The following ANXA3 variants were observed in gnomAD, a reference collection of about 807,000 sequenced individuals.
ANXA3 encodes annexin A3, also known as 35-alpha calcimedin.
Under a neutral mutation model 48.8 loss-of-function variants are expected in ANXA3, and 46 were observed. The ratio of observed to expected loss-of-function variants is 0.94; its 90% confidence interval spans 0.74 to 1.21. The LOEUF (loss-of-function observed/expected upper bound fraction) is 1.21. ANXA3 is among the 50% of genes most tolerant of loss of function. The pLI, the probability that ANXA3 is intolerant of heterozygous loss-of-function variation, is 0.00. For synonymous variants in ANXA3, 128 were observed against 134.7 expected (o/e 0.95, Z 0.35); for missense variants, 383 against 378.6 (o/e 1.01, Z -0.10).
chr4:78,589,792 A>G (rs954861752), intron 6 of ANXA3, among the ~76,000 whole-genome samples: 7 of 152,202 alleles, frequency 4.6e-5, no homozygotes, highest in Non-Finnish European at 7.3e-5. Flanking sequence ...GCCCTCATAA[A>G]GGGACCAGAT....
At chr4:78,554,593 T>C in intron 2 of ANXA3, 105 bp downstream of exon 2, 1 of 964,368 alleles carries the variant, frequency 1.0e-6, no homozygotes, top group East Asian at 2.4e-5. Flanking sequence ...TTTAAGTTTA[T>C]CTGGCAAAAT....
At chr4:78,558,607 C>T (rs147021134) in intron 2 of ANXA3, among the ~76,000 whole-genome samples, 147 of 152,296 alleles carry the variant, frequency 9.7e-4, no homozygotes, top group African/African-American at 3.3e-3. Context: ...GAAAGAATGG[C>T]TGGTTTCTTA....
At chr4:78,579,366 C>A (rs552287012) in intron 4 of ANXA3, among the ~76,000 whole-genome samples, 1 of 152,274 alleles carries the variant, frequency 6.6e-6, no homozygotes, top group East Asian at 1.9e-4. Flanking sequence ...TGCCTTAGCC[C>A]AGTGGGTTCT....
chr4:78,555,350 C>T lies in ANXA3; in HGVS notation c.15+862C>T, dbSNP rs12644799. On this transcript the variant is annotated intron_variant, in intron 2 of 12. Coordinates refer to ENST00000264908, the MANE Select transcript of ANXA3 (RefSeq NM_005139.3). ...ACTACATACAAGTTTATCACTATGA[C>T]AGCCAACAATCCCATTGGTAGAGGC... Among the ~76,000 whole-genome samples the T allele has an allele frequency of 1.4e-4, 21 of 152,304 alleles. No individual in the cohort carries two copies. In the East Asian group the frequency reaches 3.3e-3, roughly 24 times the overall value.
intron 11 of ANXA3, chr4:78,603,689 T>C (rs930290625): frequency 2.6e-5 from 4 of 152,216 alleles, no homozygotes; most frequent in African/African-American, 9.6e-5. Context: ...TCTCCACACT[T>C]AGGATAAAGT....
chr4:78,609,650 A>G (rs143053309), intron 12 of ANXA3, among the ~76,000 whole-genome samples: 3 of 152,324 alleles, frequency 2.0e-5, no homozygotes, highest in Non-Finnish European at 4.4e-5. Context: ...GGGGATACGT[A>G]TAGTACCTAT....
At chr4:78,594,136 G>C (rs1219332947) in intron 7 of ANXA3, among the ~76,000 whole-genome samples, 1 of 151,478 alleles carries the variant, frequency 6.6e-6, no homozygotes. Context: ...CCTATAGTTG[G>C]AATCATACAG....
At chr4:78,563,015 T>G (rs1722655589) in intron 2 of ANXA3, among the ~76,000 whole-genome samples, 1 of 152,208 alleles carries the variant, frequency 6.6e-6, no homozygotes, top group Non-Finnish European at 1.5e-5. Context: ...TTTATGGTAC[T>G]TTATTATCCT....
chr4:78,585,923 C>G (rs1305906392), intron 5 of ANXA3, among the ~76,000 whole-genome samples: 1 of 152,214 alleles, frequency 6.6e-6, no homozygotes, highest in Admixed American at 6.5e-5. Flanking sequence ...AGAGCCTTTT[C>G]TAAACATAGT....
intron 12 of ANXA3, among the ~76,000 whole-genome samples, chr4:78,606,873 A>G (rs933776684): frequency 6.6e-6 from 1 of 152,242 alleles, no homozygotes; most frequent in African/African-American, 2.4e-5. Context: ...GACTTAGCAC[A>G]AATTGCATCA....
chr4:78,595,888 GTACAAACTCACAT>G lies in ANXA3; in HGVS notation c.634+7_634+19del, dbSNP rs1170246317. ...AGGAGCTTTCCTCAATTAAAACTAA[GTACAAACTCACAT>G]TACAATCCTTTGTGTTGTATGTTGT... On this transcript the variant is annotated splice_donor_variant and splice_donor_5th_base_variant and intron_variant, in intron 9 of 12. Transcript: ENST00000264908. LOFTEE classifies it high-confidence loss of function. 2 of 1,572,580 alleles carry G rather than the reference GTACAAACTCACAT, an allele frequency of 1.3e-6. No individual in the cohort carries two copies. The highest frequency in any genetic ancestry group is 1.8e-6 in the Non-Finnish European group (2 of 1,142,796).
At chr4:78,602,392 G>C (rs146567240) in intron 11 of ANXA3, 16 of 152,170 alleles carry the variant, frequency 1.1e-4, no homozygotes, top group African/African-American at 3.6e-4. Context: ...AACCCATATA[G>C]AGATAGGTAC....
intron 12 of ANXA3, among the ~76,000 whole-genome samples, chr4:78,605,668 C>T (rs1578406067): frequency 1.3e-5 from 2 of 152,280 alleles, no homozygotes; most frequent in East Asian, 3.9e-4. Flanking sequence ...TTCTTTCATT[C>T]TGGATGAGAA....
At chr4:78,554,327 C>A in intron 1 of ANXA3, 109 bp from the exon 2 acceptor site, 1 of 774,234 alleles carries the variant, frequency 1.3e-6, no homozygotes, top group Non-Finnish European at 2.2e-6. Flanking sequence ...GAAGGTTTTT[C>A]TGTGAATGTT....
Position 78,583,579 on chromosome 4 carries a change from G to A in ANXA3, c.312+1289G>A, listed in dbSNP as rs1352270072. On this transcript the variant is annotated intron_variant, in intron 5 of 12. Transcript: ENST00000264908. ...GTCTAGGCTACAATGAGCCATGACC[G>A]TGCCACTGCACTCCAGCCTGGGATG... Among the ~76,000 whole-genome samples, 6 of 151,212 alleles carry A rather than the reference G, an allele frequency of 4.0e-5. 1 individual carries two copies. In the South Asian group the frequency reaches 1.0e-3, roughly 26 times the overall value.
At chr4:78,552,409 A>G (rs1165943837) in intron 1 of ANXA3, 1 of 152,206 alleles carries the variant, frequency 6.6e-6, no homozygotes, top group Non-Finnish European at 1.5e-5. Context: ...TTTAGAAGGT[A>G]GAAAACAGTG....
chr4:78,578,331 A>AGAGAGAGAGAGAGAGAGAGAGAGAGAG (rs1560444874), intron 3 of ANXA3, among the ~76,000 whole-genome samples: 3 of 41,380 alleles, frequency 7.2e-5, no homozygotes, highest in Non-Finnish European at 1.3e-4. Flanking sequence ...GAGAGAGAGA[A>AGAGAGAGAGAGAGAGAGAGAGAGAGAG]AGGGAGGGAG....
At chr4:78,604,519 T>C in intron 12 of ANXA3, 120 bp downstream of exon 12, 1 of 822,038 alleles carries the variant, frequency 1.2e-6, no homozygotes, top group Non-Finnish European at 1.8e-6. Flanking sequence ...TGTCAATGTA[T>C]AAATGTGTTG....
chr4:78,607,154 C>G (rs1723664901), intron 12 of ANXA3, among the ~76,000 whole-genome samples: 1 of 152,178 alleles, frequency 6.6e-6, no homozygotes, highest in South Asian at 2.1e-4. Context: ...AACATTTAAA[C>G]TATTTGTAGT....
Sources: gnomAD v4.1 joint callset for allele counts (sites outside exome capture counted in the v4.1 genomes callset) on GRCh38, gnomAD v4.1.1 for gene constraint, MANE v1.5 for transcripts, NCBI Gene and HGNC (gene_info 2026-07-23, HGNC 2026-07-21) for gene names.